Variants in SEMA3C observed in about 807,000 individuals in gnomAD.
SEMA3C encodes the protein semaphorin-3C.
In SEMA3C, 47 loss-of-function variants were observed where a neutral mutation model predicts 89.4. That is an observed-to-expected ratio of 0.53 (90% CI 0.42 to 0.67). SEMA3C has a LOEUF of 0.67. Ranked by LOEUF, SEMA3C falls within the 30% of genes least tolerant of loss-of-function variation. The pLI is 0.00. For missense variants in SEMA3C, 839 were observed against 929.1 expected (o/e 0.90, Z 1.26); for synonymous variants, 310 against 320.2 (o/e 0.97, Z 0.34).
chr7:80,823,563 C>T (rs1234687861), intron 4 of SEMA3C, among the ~76,000 whole-genome samples: 1 of 152,172 alleles, frequency 6.6e-6, no homozygotes. Flanking sequence ...ATACTTTCTT[C>T]TTCTTGGTCT....
At chr7:80,874,489 G>T (rs919974727) in intron 2 of SEMA3C, among the ~76,000 whole-genome samples, 1 of 67,716 alleles carries the variant, frequency 1.5e-5, no homozygotes, top group Non-Finnish European at 3.3e-5. Context: ...TTTATGAGAC[G>T]GAGTTTCACT....
intron 2 of SEMA3C, among the ~76,000 whole-genome samples, chr7:80,912,132 G>A (rs1185501159): frequency 6.6e-6 from 1 of 152,064 alleles, no homozygotes; most frequent in Non-Finnish European, 1.5e-5. Context: ...AACTCACCTG[G>A]AACAGTAATT....
chr7:80,804,215 T>C lies in SEMA3C; in HGVS notation c.692A>G (p.Asp231Gly), dbSNP rs1397290517. Residue 231 changes from aspartate to glycine, a missense_variant, in exon 8 of 18, where the codon GAT becomes GGT. Physicochemically the swap from Asp to Gly is moderately conservative, Grantham distance 94. Transcript: ENST00000265361. ...PMFVDAHVIP[D>G]GTDPNDAKVY... The stretch of plus-strand genomic sequence containing the variant: ...CTTAGCATCATTTGGATCAGTACCA[T>C]CTGGGATGACATGTGCATCTACAAA... The C allele has an allele frequency of 6.2e-7, 1 of 1,609,896 alleles. No individual in the cohort carries two copies. Among genetic ancestry groups the C allele is most frequent in the South Asian group, 1.1e-5 (1 of 90,250 alleles).
At chr7:80,854,518 G>C (rs1790588753) in intron 2 of SEMA3C, among the ~76,000 whole-genome samples, 1 of 152,218 alleles carries the variant, frequency 6.6e-6, no homozygotes, top group South Asian at 2.1e-4. Flanking sequence ...CTTCTTAGTT[G>C]TTAGATCCTG....
At chr7:80,765,591 G>A (rs1382952574) in intron 12 of SEMA3C, among the ~76,000 whole-genome samples, 1 of 148,098 alleles carries the variant, frequency 6.8e-6, no homozygotes, top group Admixed American at 6.6e-5. Context: ...TGTTTTGTTT[G>A]TTTGAGACAG....
chr7:80,910,623 A>G (rs1013873726), intron 2 of SEMA3C, among the ~76,000 whole-genome samples: 3 of 151,292 alleles, frequency 2.0e-5, no homozygotes, highest in African/African-American at 7.3e-5. Flanking sequence ...AATCTGCCCA[A>G]AGCTCACAGC....
At position 80,803,900 on chromosome 7, in the gene SEMA3C, G is replaced by A. The variant is rs188173568; in HGVS notation, c.801+206C>T. ...TGTTTATCTCATATAACTTATTGAG[G>A]GTTAGAATTTGGGTTGGGGTTATAA... On this transcript the variant is annotated intron_variant, in intron 8 of 17. Coordinates refer to ENST00000265361, the MANE Select transcript of SEMA3C (RefSeq NM_006379.5). Among the ~76,000 whole-genome samples, 107 of 151,842 alleles carry A rather than the reference G, an allele frequency of 7.0e-4. 2 individuals carry two copies. The East Asian group carries it at 0.019, about 27-fold the overall frequency.
chr7:80,880,178 G>A (rs1791300298), intron 2 of SEMA3C, among the ~76,000 whole-genome samples: 1 of 152,072 alleles, frequency 6.6e-6, no homozygotes, highest in Non-Finnish European at 1.5e-5. Flanking sequence ...AACATCTCCA[G>A]GAGGCGAACC....
At chr7:80,886,953 A>G (rs1053744173) in intron 2 of SEMA3C, among the ~76,000 whole-genome samples, 1 of 152,190 alleles carries the variant, frequency 6.6e-6, no homozygotes, top group Non-Finnish European at 1.5e-5. Context: ...TTTTCTTTCA[A>G]TGCTAAACAC....
At chr7:80,902,248 T>C (rs895661861) in intron 2 of SEMA3C, among the ~76,000 whole-genome samples, 1 of 152,208 alleles carries the variant, frequency 6.6e-6, no homozygotes, top group Non-Finnish European at 1.5e-5. Context: ...TCACTGCACC[T>C]GGGCTTCATG....
upstream of SEMA3C, among the ~76,000 whole-genome samples, chr7:80,921,884 T>C (rs771826914): frequency 6.6e-6 from 1 of 152,214 alleles, no homozygotes; most frequent in Non-Finnish European, 1.5e-5. Flanking sequence ...TTGAGTTACA[T>C]ACTTTTCTCC....
At chr7:80,761,707 G>T in intron 13 of SEMA3C, 50 bp from the exon 14 acceptor site, 1 of 1,028,650 alleles carries the variant, frequency 9.7e-7, no homozygotes, top group South Asian at 1.6e-5. Flanking sequence ...TGCTTAAAAG[G>T]ATTTTACATT....
At position 80,879,047 on chromosome 7, in the gene SEMA3C, T is replaced by C. The variant is rs553422145; in HGVS notation, c.103+37632A>G. 8.3e-4 allele frequency among the ~76,000 whole-genome samples: 127 copies of C among 152,208 alleles called. 1 individual carries two copies. The highest frequency in any genetic ancestry group is 2.8e-3 in the African/African-American group (116 of 41,518). ...GTGGCAATGAAGATGCAGAGGTCCCTTCATTGAGGTAGTGGTGAAGAACCC... is the reference window on the plus strand; with the variant it reads ...GTGGCAATGAAGATGCAGAGGTCCCCTCATTGAGGTAGTGGTGAAGAACCC... On this transcript the variant is annotated intron_variant, in intron 2 of 17. Coordinates refer to ENST00000265361, the MANE Select transcript of SEMA3C (RefSeq NM_006379.5).
At chr7:80,871,552 CCAGA>C (rs1396878416) in intron 2 of SEMA3C, among the ~76,000 whole-genome samples, 2 of 152,156 alleles carry the variant, frequency 1.3e-5, no homozygotes, top group African/African-American at 4.8e-5. Flanking sequence ...CCCATTTATG[CCAGA>C]CAAATTTTTG....
intron 2 of SEMA3C, among the ~76,000 whole-genome samples, chr7:80,863,396 T>C (rs1390709302): frequency 1.3e-5 from 2 of 150,446 alleles, no homozygotes; most frequent in Non-Finnish European, 2.9e-5. Flanking sequence ...GCAACACTTC[T>C]ACACTACTGG....
chr7:80,867,931 G>A (rs962789775), intron 2 of SEMA3C, among the ~76,000 whole-genome samples: 8 of 152,168 alleles, frequency 5.3e-5, no homozygotes, highest in Non-Finnish European at 8.8e-5. Context: ...GAAAGCATAT[G>A]CTCTGTCTAA....
intron 15 of SEMA3C, among the ~76,000 whole-genome samples, chr7:80,756,244 TC>T (rs1788063129): frequency 6.6e-6 from 1 of 152,212 alleles, no homozygotes. Context: ...ACAACTTGGA[TC>T]ATTTTTGACT....
intron 2 of SEMA3C, among the ~76,000 whole-genome samples, chr7:80,834,761 A>G (rs1308722304): frequency 6.6e-6 from 1 of 152,132 alleles, no homozygotes; most frequent in Admixed American, 6.6e-5. Context: ...AAAATCCAGG[A>G]TGCTCAAATC....
chr7:80,868,165 T>A (rs1470736778), intron 2 of SEMA3C, among the ~76,000 whole-genome samples: 2 of 152,186 alleles, frequency 1.3e-5, no homozygotes, highest in East Asian at 3.8e-4. Context: ...GGTGCATGTC[T>A]CTCTCCCAGG....
Sources: gnomAD v4.1 joint callset for allele counts (sites outside exome capture counted in the v4.1 genomes callset) on GRCh38, gnomAD v4.1.1 for gene constraint, MANE v1.5 for transcripts, NCBI Gene and HGNC (gene_info 2026-07-23, HGNC 2026-07-21) for gene names.